Variants in FRMD4B observed in about 807,000 individuals in gnomAD.
FRMD4B encodes FERM domain containing 4B.
In FRMD4B, 74 loss-of-function variants were observed where a neutral mutation model predicts 141.5. The observed-to-expected ratio is 0.52, with a 90% CI of 0.43 to 0.63. The LOEUF (loss-of-function observed/expected upper bound fraction) is 0.63, where lower values mean the gene tolerates loss of function less well. FRMD4B is among the 30% of genes least tolerant of loss of function. The pLI, the probability that FRMD4B is intolerant of heterozygous loss-of-function variation, is 0.00. For missense variants in FRMD4B, 1,366 were observed against 1,253.4 expected, an observed-to-expected ratio of 1.09 and a Z score of -1.36; for synonymous variants, 506 against 467.9, an observed-to-expected ratio of 1.08 and a Z score of -1.05.
At chr3:69,174,892 G>T (rs1364512631) in intron 22 of FRMD4B, among the ~76,000 whole-genome samples, 1 of 152,096 alleles carries the variant, frequency 6.6e-6, no homozygotes, top group African/African-American at 2.4e-5. Context: ...CAAATTTTAG[G>T]CCAGTCATTT....
At chr3:69,380,113 G>A (rs769707961) in intron 1 of FRMD4B, among the ~76,000 whole-genome samples, 1 of 152,212 alleles carries the variant, frequency 6.6e-6, no homozygotes, top group South Asian at 2.1e-4. Context: ...GTGGATCATT[G>A]GAGTCTTGGA....
At chr3:69,477,504 G>A (rs201173631) in intron 1 of FRMD4B, among the ~76,000 whole-genome samples, 18,324 of 148,046 alleles carry the variant, frequency 0.12, 1,237 homozygotes, top group South Asian at 0.17. Flanking sequence ...GCTGGATTAC[G>A]TTTATTGATT....
intron 7 of FRMD4B, among the ~76,000 whole-genome samples, chr3:69,225,531 A>AAAG (rs1344709452): frequency 7.0e-6 from 1 of 142,464 alleles, no homozygotes; most frequent in East Asian, 2.0e-4. Context: ...AAAAAAAAAA[A>AAAG]AAAAAAAAAA....
chr3:69,222,601 G>A (rs999499516), intron 8 of FRMD4B, among the ~76,000 whole-genome samples: 5 of 151,464 alleles, frequency 3.3e-5, no homozygotes, highest in African/African-American at 9.7e-5. Flanking sequence ...GTGAAATGTC[G>A]TCTCTACTAA....
At chr3:69,242,510 TTTTTTTTTTTTTTG>T (rs2106718178) in intron 7 of FRMD4B, among the ~76,000 whole-genome samples, 2 of 111,154 alleles carry the variant, frequency 1.8e-5, no homozygotes, top group African/African-American at 4.2e-5. Context: ...TTTTTTTTTT[TTTTTTTTTTTTTTG>T]TAGCACAGCT....
rs561753686 is a variant in FRMD4B at position 69,421,509 on chromosome 3, C to A, written c.-1+11125G>T. 3.3e-5 allele frequency among the ~76,000 whole-genome samples: 5 copies of A among 152,284 alleles called. No homozygotes were observed. The South Asian group carries it at 6.2e-4, about 19-fold the overall frequency. On this transcript the variant is annotated intron_variant, in intron 2 of 5. Transcript: ENST00000459638. ...AGATGCTCCAATTTTTCCTGGGAAG[C>A]CACAATTCAGACTTTTACATAAAGT...
intron 2 of FRMD4B, among the ~76,000 whole-genome samples, chr3:69,428,280 AC>A (rs1443884622): frequency 6.6e-6 from 1 of 150,742 alleles, no homozygotes; most frequent in African/African-American, 2.4e-5. Context: ...ATGTTACATA[AC>A]CTCTCTGTTC....
chr3:69,380,643 C>G (rs1704091947), intron 1 of FRMD4B, among the ~76,000 whole-genome samples: 1 of 152,196 alleles, frequency 6.6e-6, no homozygotes, highest in Admixed American at 6.5e-5. Context: ...GTTGAGCCTA[C>G]AGACTCTGCC....
intron 2 of FRMD4B, among the ~76,000 whole-genome samples, chr3:69,414,762 G>C (rs1431944124): frequency 6.6e-6 from 1 of 152,062 alleles, no homozygotes; most frequent in Non-Finnish European, 1.5e-5. Context: ...GGCGTACCCA[G>C]AAGTGCAGGT....
At chr3:69,490,697 C>T (rs1210000174) in intron 1 of FRMD4B, among the ~76,000 whole-genome samples, 1 of 152,120 alleles carries the variant, frequency 6.6e-6, no homozygotes, top group African/African-American at 2.4e-5. Context: ...TATTTGTTTG[C>T]TTGCTTGCTA....
intron 7 of FRMD4B, chr3:69,228,488 G>A (rs768513397): frequency 1.4e-4 from 66 of 455,924 alleles, no homozygotes; most frequent in Non-Finnish European, 2.8e-4. Context: ...TTTCATATAA[G>A]ATACAGATTT....
intron 2 of FRMD4B, among the ~76,000 whole-genome samples, chr3:69,422,754 T>C (rs1705002206): frequency 6.6e-6 from 1 of 152,098 alleles, no homozygotes; most frequent in Non-Finnish European, 1.5e-5. Flanking sequence ...GTTTCATGTG[T>C]CAAATAGTTA....
chr3:69,362,690 C>T, intron 1 of FRMD4B, among the ~76,000 whole-genome samples: 1 of 107,966 alleles, frequency 9.3e-6, no homozygotes, highest in African/African-American at 4.3e-5. Context: ...ACAACAACAA[C>T]AAAAAGCCAA....
intron 1 of FRMD4B, among the ~76,000 whole-genome samples, chr3:69,319,980 G>A (rs913610107): frequency 1.3e-5 from 2 of 152,204 alleles, no homozygotes; most frequent in African/African-American, 2.4e-5. Context: ...AATAGAAGTA[G>A]TTAGAACTGC....
At chr3:69,350,357 C>T (rs77548663) in intron 1 of FRMD4B, among the ~76,000 whole-genome samples, 25,343 of 152,086 alleles carry the variant, frequency 0.17, 2,915 homozygotes, top group African/African-American at 0.32. Context: ...GAAATAGGAA[C>T]ACTTTGACAC....
chr3:69,337,457 G>C (rs1434127810), intron 1 of FRMD4B, among the ~76,000 whole-genome samples: 1 of 152,094 alleles, frequency 6.6e-6, no homozygotes, highest in Non-Finnish European at 1.5e-5. Flanking sequence ...TTGACAAATG[G>C]GGTCTAATTA....
At chr3:69,219,432 A>G (rs1339742346) in intron 9 of FRMD4B, among the ~76,000 whole-genome samples, 8 of 152,136 alleles carry the variant, frequency 5.3e-5, no homozygotes, top group Non-Finnish European at 2.9e-5. Flanking sequence ...GCAAATGAAT[A>G]TAAGAGGTTA....
At chr3:69,455,254 C>T (rs1705575433) in intron 1 of FRMD4B, among the ~76,000 whole-genome samples, 1 of 152,204 alleles carries the variant, frequency 6.6e-6, no homozygotes, top group South Asian at 2.1e-4. Context: ...AAGCAGGCTG[C>T]CAGAGGCCAC....
At chr3:69,212,102 T>C (rs563889217) in intron 11 of FRMD4B, among the ~76,000 whole-genome samples, 1 of 150,280 alleles carries the variant, frequency 6.7e-6, no homozygotes, top group African/African-American at 2.4e-5. Flanking sequence ...CTCACGCCTG[T>C]ATTCCCAGCA....
Sources: allele counts gnomAD v4.1 joint callset (sites outside exome capture counted in the v4.1 genomes callset), GRCh38; gene constraint gnomAD v4.1.1; transcripts MANE v1.5; gene names NCBI Gene and HGNC (gene_info 2026-07-23, HGNC 2026-07-21).